PGBD1: variants seen among roughly 807,000 people sequenced by gnomAD.
The protein encoded by PGBD1 is piggyBac transposable element derived 1, also known as piggyBac transposable element-derived protein 1.
A neutral mutation model predicts 34.7 loss-of-function variants in PGBD1; 25 were observed. The observed-to-expected ratio is 0.72, with a 90% CI of 0.52 to 1.00. The LOEUF (loss-of-function observed/expected upper bound fraction) is 1.00, where lower values mean the gene tolerates loss of function less well. Ranked by LOEUF, PGBD1 falls within the 50% of genes least tolerant of loss-of-function variation. PGBD1 has a pLI of 0.00. For missense variants in PGBD1, 830 were observed against 959.4 expected, an observed-to-expected ratio of 0.87 and a Z score of 1.78; for synonymous variants, 292 against 335.7, an observed-to-expected ratio of 0.87 and a Z score of 1.42.
intron 6 of PGBD1, among the ~76,000 whole-genome samples, chr6:28,299,044 A>G (rs1762741728): frequency 6.6e-6 from 1 of 152,206 alleles, no homozygotes; most frequent in Non-Finnish European, 1.5e-5. Context: ...AAAGCTCAAG[A>G]GGAGAAGTGA....
chr6:28,300,838 C>T lies in PGBD1; in HGVS notation c.984C>T (p.Ile328=). 1 of 1,614,124 alleles carries T rather than the reference C, an allele frequency of 6.2e-7. No homozygotes were observed. The highest frequency in any genetic ancestry group is 8.5e-7 in the Non-Finnish European group (1 of 1,180,032). Residue 328 remains isoleucine (I), a synonymous_variant, in exon 7 of 7, where the codon ATC becomes ATT. Coordinates refer to ENST00000682144, the MANE Select transcript of PGBD1 (RefSeq NM_032507.4). The surrounding 1 kb of genome is among the most constrained non-coding windows in gnomAD (Gnocchi z 4.0). ...HPGDLWARMH[I]SSLEYAAGDI... The stretch of plus-strand genomic sequence containing the variant: ...GTGATTTGTGGGCCCGCATGCACAT[C>T]TCATCCCTGGAATATGCTGCAGGAG...
chr6:28,284,405 C>T (rs924313090), intron 2 of PGBD1, among the ~76,000 whole-genome samples, 196 bp downstream of exon 2: 3 of 137,066 alleles, frequency 2.2e-5, no homozygotes, highest in South Asian at 2.4e-4. Flanking sequence ...TGTACACACT[C>T]GTACAAGGAA....
intron 4 of PGBD1, among the ~76,000 whole-genome samples, chr6:28,290,062 A>G (rs1762398713): frequency 6.6e-6 from 1 of 152,206 alleles, no homozygotes. Flanking sequence ...AAAGGAAGGC[A>G]TACTATAAGA....
At chr6:28,284,300 A>G (rs1581627321) in intron 2 of PGBD1, 91 bp downstream of exon 2, 1 of 1,326,764 alleles carries the variant, frequency 7.5e-7, no homozygotes, top group East Asian at 2.5e-5. Flanking sequence ...ATAACTCCTA[A>G]TTTATAGAAG....
rs1026738874 is a variant in PGBD1, at chr6:28,281,678, C to T, written c.-279C>T. The T allele has an allele frequency of 2.9e-6, 1 of 350,566 alleles. No individual in the cohort carries two copies. Among genetic ancestry groups the T allele is most frequent in the South Asian group, 1.5e-4 (1 of 6,642 alleles). 21.7% of individuals were successfully genotyped at this position (350,566 alleles called of 1,614,324 possible). ...CTCCCGACAGGGGAGCACCGGGCCT[C>T]TGAGCTCCCTCGGGAGCCTTTCACG... On this transcript the variant is annotated 5_prime_UTR_variant, in exon 1 of 7. Transcript: ENST00000682144.
chr6:28,283,720 T>C (rs2113740331), intron 1 of PGBD1, 56 bp from the exon 2 acceptor site: 1 of 1,447,894 alleles, frequency 6.9e-7, no homozygotes, highest in South Asian at 1.4e-5. Flanking sequence ...GAAGCTCTTA[T>C]AATTTGCATG....
chr6:28,300,803 C>T lies in PGBD1; in HGVS notation c.949C>T (p.Arg317Cys), dbSNP rs780678888. The T allele has an allele frequency of 8.7e-6, 14 of 1,613,908 alleles. No individual in the cohort carries two copies. The highest frequency in any genetic ancestry group is 2.2e-5 in the East Asian group (1 of 44,890). Reference sequence around the variant, plus strand: ...TGCACATTTGAACACTCTGAAGGACCGTCACCCAGGTGATTTGTGGGCCCG... The same window carrying T: ...TGCACATTTGAACACTCTGAAGGACTGTCACCCAGGTGATTTGTGGGCCCG... The part of the protein sequence containing the change: ...TVAHLNTLKD[R>C]HPGDLWARMH... Residue 317 changes from arginine to cysteine, a missense_variant, in exon 7 of 7, where the codon CGT becomes TGT. By Grantham distance (180) the Arg-to-Cys change is radical (BLOSUM62 -3). Coordinates refer to ENST00000682144, the MANE Select transcript of PGBD1 (RefSeq NM_032507.4). The surrounding 1 kb of genome is among the most constrained non-coding windows in gnomAD (Gnocchi z 4.0).
rs756606529 is a variant in PGBD1 at position 28,300,859 on chromosome 6, A to C, written c.1005A>C (p.Ala335=). The change falls in exon 7 of 7, where the codon GCA becomes GCC. Residue 335 remains alanine (A), a synonymous_variant. Transcript: ENST00000682144. This position sits in a 1 kb window ranked among gnomAD's most constrained non-coding sequence, Gnocchi z 4.0. ...RMHISSLEYA[A]GDITRKGRKK... The stretch of plus-strand genomic sequence containing the variant: ...ACATCTCATCCCTGGAATATGCTGC[A>C]GGAGACATTACCCGAAAAGGGAGAA... 4.3e-6 allele frequency: 7 copies of C among 1,614,176 alleles called. No individual in the cohort carries two copies. The highest frequency in any genetic ancestry group is 5.9e-6 in the Non-Finnish European group (7 of 1,180,026).
At chr6:28,285,828 TCA>T in intron 3 of PGBD1, 121 bp downstream of exon 3, 1 of 1,030,338 alleles carries the variant, frequency 9.7e-7, no homozygotes, top group Non-Finnish European at 1.4e-6. Context: ...CTTACATATC[TCA>T]CAGTTACCTT....
rs770252329 is a variant in PGBD1 at position 28,287,065 on chromosome 6, C to CCT, written c.554-6_554-5dup. 1.2e-6 allele frequency: 2 copies of CCT among 1,603,500 alleles called. No homozygotes were observed. The highest frequency in any genetic ancestry group is 1.7e-5 in the Admixed American group (1 of 59,964). On this transcript the variant is annotated splice_polypyrimidine_tract_variant and intron_variant, in intron 3 of 6. Transcript: ENST00000682144. ...ATCATGTCTCATTTAGGACTCTTGC[C>CCT]CTCTCTCTCTGCAGGGCCTGTTCCC... is the stretch of plus-strand genomic sequence containing the variant.
At chr6:28,294,646 G>T (rs1762573288) in intron 4 of PGBD1, among the ~76,000 whole-genome samples, 1 of 152,262 alleles carries the variant, frequency 6.6e-6, no homozygotes, top group Admixed American at 6.5e-5. Flanking sequence ...CTCTAGAAAT[G>T]GAACAACAAA....
intron 4 of PGBD1, among the ~76,000 whole-genome samples, chr6:28,294,116 T>C (rs556268168): frequency 6.6e-6 from 1 of 152,290 alleles, no homozygotes; most frequent in Admixed American, 6.5e-5. Flanking sequence ...CAAAAAGCTT[T>C]TTGCTGATAT....
chr6:28,291,276 A>G (rs915849376), intron 4 of PGBD1, among the ~76,000 whole-genome samples: 6 of 151,922 alleles, frequency 3.9e-5, no homozygotes, highest in Non-Finnish European at 8.8e-5. Flanking sequence ...AACAGCTGAG[A>G]CCTCAGAAAT....
chr6:28,293,099 C>G (rs1442856486), intron 4 of PGBD1, among the ~76,000 whole-genome samples: 1 of 152,130 alleles, frequency 6.6e-6, no homozygotes, highest in Admixed American at 6.5e-5. Context: ...AGCGCCATCA[C>G]GCCCAGCTAA....
chr6:28,289,868 G>A (rs1762393902), intron 4 of PGBD1, among the ~76,000 whole-genome samples: 1 of 152,154 alleles, frequency 6.6e-6, no homozygotes, highest in African/African-American at 2.4e-5. Flanking sequence ...AAAATCTAGA[G>A]GAATGGAATT....
intron 1 of PGBD1, among the ~76,000 whole-genome samples, chr6:28,282,663 G>C (rs1762164481): frequency 6.6e-6 from 1 of 152,232 alleles, no homozygotes; most frequent in Admixed American, 6.5e-5. Context: ...GAAGATGATG[G>C]TGATGCCAGT....
At chr6:28,289,236 G>T (rs74478410) in intron 4 of PGBD1, among the ~76,000 whole-genome samples, 4,473 of 152,174 alleles carry the variant, frequency 0.029, 78 homozygotes, top group Non-Finnish European at 0.044. Context: ...CAACTTGTCT[G>T]GCAATAGACT....
chr6:28,297,807 A>AC (rs1211227228), intron 5 of PGBD1, 88 bp from the exon 6 acceptor site: 1 of 650,748 alleles, frequency 1.5e-6, no homozygotes, highest in Non-Finnish European at 2.4e-6. Context: ...TCTATTCCCT[A>AC]CCCTGGAAGT....
chr6:28,284,136 C>T lies in PGBD1; in HGVS notation c.323C>T (p.Pro108Leu). 6.2e-7 allele frequency: 1 copy of T among 1,611,322 alleles called. No individual in the cohort carries two copies. Among genetic ancestry groups the T allele is most frequent in the Non-Finnish European group, 8.5e-7 (1 of 1,178,540 alleles). The change falls in exon 2 of 7, where the codon CCT becomes CTT. Residue 108 changes from proline (P) to leucine (L), a missense_variant. By Grantham distance (98) the Pro-to-Leu change is moderately conservative. Coordinates refer to ENST00000682144, the MANE Select transcript of PGBD1 (RefSeq NM_032507.4). ...KELQPCVKTY[P>L]LESGEEAVTV... ...CTCCAGCCCTGTGTGAAGACATATC[C>T]TCTGGAGAGTGGAGAGGAGGCAGTG... is the stretch of plus-strand genomic sequence containing the variant.
Sources: gnomAD v4.1 joint callset for allele counts (sites outside exome capture counted in the v4.1 genomes callset) on GRCh38, gnomAD v4.1.1 for gene constraint, Gnocchi (gnomAD v3.1) non-coding constraint, MANE v1.5 for transcripts, NCBI Gene and HGNC (gene_info 2026-07-23, HGNC 2026-07-21) for gene names.